CSMD3: variants seen among roughly 807,000 people sequenced by gnomAD.
CSMD3 encodes the protein CUB and sushi domain-containing protein 3.
A neutral mutation model predicts 435.2 loss-of-function variants in CSMD3; 177 were observed. That is an observed-to-expected ratio of 0.41 (90% CI 0.36 to 0.46). The LOEUF (loss-of-function observed/expected upper bound fraction) is 0.46, where lower values mean the gene tolerates loss of function less well. Among genes scored for constraint, CSMD3 ranks in the 20% least tolerant of loss-of-function variants. CSMD3 has a pLI of 0.34. For missense variants in CSMD3, 4,265 were observed against 4,504.6 expected (o/e 0.95, Z 1.52); for synonymous variants, 1,656 against 1,520.5 (o/e 1.09, Z -2.07).
chr8:113,059,275 T>C (rs2088492918), intron 5 of CSMD3, among the ~76,000 whole-genome samples: 1 of 152,144 alleles, frequency 6.6e-6, no homozygotes, highest in Non-Finnish European at 1.5e-5. Flanking sequence ...CTTATTATAC[T>C]GGTGCTTTGA....
chr8:112,737,833 G>T (rs1390359958), intron 13 of CSMD3, among the ~76,000 whole-genome samples: 2 of 151,786 alleles, frequency 1.3e-5, no homozygotes, highest in Admixed American at 1.3e-4. Flanking sequence ...ATGTAACAAT[G>T]AAGAAAAACC....
intron 1 of CSMD3, among the ~76,000 whole-genome samples, chr8:113,398,175 C>T (rs1038926097): frequency 6.6e-6 from 1 of 152,120 alleles, no homozygotes; most frequent in East Asian, 1.9e-4. Context: ...TAATTTTATA[C>T]TTTTATTCTT....
chr8:112,978,512 T>G (rs554966183), intron 6 of CSMD3, among the ~76,000 whole-genome samples: 1 of 152,058 alleles, frequency 6.6e-6, no homozygotes, highest in African/African-American at 2.4e-5. Flanking sequence ...TTTGGTAATG[T>G]CTAGACCCAG....
At chr8:112,506,650 A>T in intron 29 of CSMD3, 41 bp downstream of exon 29, 1 of 1,602,408 alleles carries the variant, frequency 6.2e-7, no homozygotes, top group African/African-American at 1.3e-5. Flanking sequence ...TGGCCTAACA[A>T]TATATTTTTT....
chr8:112,278,981 C>A (rs938392049), intron 59 of CSMD3, among the ~76,000 whole-genome samples: 9 of 151,718 alleles, frequency 5.9e-5, no homozygotes, highest in Non-Finnish European at 1.3e-4. Context: ...TGCCCTTCTT[C>A]CTGAAGCGTA....
chr8:112,609,157 G>C, intron 22 of CSMD3, among the ~76,000 whole-genome samples: 1 of 117,892 alleles, frequency 8.5e-6, no homozygotes, highest in African/African-American at 3.3e-5. Context: ...AGCCAAAGAC[G>C]CACCACTGTA....
In CSMD3 at chr8:112,281,259, G is replaced by T. The variant is rs1180949889; in HGVS notation, c.9423C>A (p.Cys3141Ter). 1 of 1,613,144 alleles carries T rather than the reference G, an allele frequency of 6.2e-7. No homozygotes were observed. The highest frequency in any genetic ancestry group is 8.5e-7 in the Non-Finnish European group (1 of 1,179,272). The change falls in exon 59 of 71, where the codon TGC becomes TGA. Residue 3141 changes from cysteine (C) to a stop codon, truncating the protein, a stop_gained. Transcript: ENST00000297405. LOFTEE classifies it high-confidence loss of function. ...GTCCAGAAAGGATGTATCCCTCCAT[G>T]CAGGAATAAATGACTGAACTAGAAA... ...TTFSSSVIYS[C>*]MEGYILSGPS...
At chr8:112,584,019 GAC>G (rs1398813346) in intron 23 of CSMD3, among the ~76,000 whole-genome samples, 1 of 151,390 alleles carries the variant, frequency 6.6e-6, no homozygotes, top group Non-Finnish European at 1.5e-5. Flanking sequence ...TTTGACAAAT[GAC>G]ACAAATGAAC....
intron 32 of CSMD3, among the ~76,000 whole-genome samples, chr8:112,450,153 T>C (rs2130587570): frequency 6.6e-6 from 1 of 152,316 alleles, no homozygotes; most frequent in Admixed American, 6.5e-5. Flanking sequence ...GATTATTCAC[T>C]TCATCTTACA....
intron 8 of CSMD3, 87 bp from the exon 9 acceptor site, chr8:112,947,964 G>C (rs908132568): frequency 3.0e-6 from 2 of 661,450 alleles, no homozygotes; most frequent in Non-Finnish European, 5.5e-6. Context: ...TACATAAAAT[G>C]TATTATTGTA....
intron 4 of CSMD3, among the ~76,000 whole-genome samples, chr8:113,151,158 G>T (rs992955004): frequency 1.3e-5 from 2 of 152,012 alleles, no homozygotes; most frequent in East Asian, 3.9e-4. Context: ...TAGGTTCAAA[G>T]TTATCACATT....
intron 10 of CSMD3, among the ~76,000 whole-genome samples, chr8:112,888,505 G>A (rs993546458): frequency 4.0e-5 from 6 of 151,558 alleles, no homozygotes; most frequent in Admixed American, 6.6e-5. Flanking sequence ...CAGGTGAGGC[G>A]TTGAAACAAG....
intron 16 of CSMD3, among the ~76,000 whole-genome samples, chr8:112,681,298 C>T (rs748133923): frequency 2.0e-5 from 3 of 151,660 alleles, no homozygotes; most frequent in Admixed American, 1.3e-4. Flanking sequence ...GTGATCCGCC[C>T]GCCTTGGCCT....
At chr8:112,482,059 T>G (rs1260862654) in intron 31 of CSMD3, among the ~76,000 whole-genome samples, 2 of 152,186 alleles carry the variant, frequency 1.3e-5, no homozygotes, top group Non-Finnish European at 2.9e-5. Flanking sequence ...ATAAACCATT[T>G]TAATGACTCA....
intron 31 of CSMD3, among the ~76,000 whole-genome samples, chr8:112,484,651 G>A (rs1202334709): frequency 6.6e-6 from 1 of 152,028 alleles, no homozygotes; most frequent in Non-Finnish European, 1.5e-5. Context: ...TGTCCATCTG[G>A]AGATATGGTT....
chr8:112,916,455 G>A (rs1227273770), intron 10 of CSMD3, among the ~76,000 whole-genome samples: 2 of 151,094 alleles, frequency 1.3e-5, no homozygotes, highest in African/African-American at 4.9e-5. Flanking sequence ...TCACACTATG[G>A]CTTTTAGAAA....
At chr8:113,094,875 C>T (rs10955645) in intron 5 of CSMD3, among the ~76,000 whole-genome samples, 103,233 of 151,750 alleles carry the variant, frequency 0.68, 36,933 homozygotes, top group East Asian at 0.95. Context: ...ATGGAGACCA[C>T]CCTGGCTAAC....
chr8:112,631,744 G>A (rs13258523), intron 22 of CSMD3, among the ~76,000 whole-genome samples: 73,612 of 151,572 alleles, frequency 0.49, 18,506 homozygotes, highest in African/African-American at 0.59. Flanking sequence ...TCATACAAGA[G>A]AGAAGTAAAT....
At chr8:112,938,074 T>C (rs918727618) in intron 9 of CSMD3, among the ~76,000 whole-genome samples, 3 of 152,110 alleles carry the variant, frequency 2.0e-5, no homozygotes, top group Non-Finnish European at 4.4e-5. Flanking sequence ...ATAACATTGC[T>C]CTAGAAATGT....
Sources: allele counts gnomAD v4.1 joint callset (sites outside exome capture counted in the v4.1 genomes callset), GRCh38; gene constraint gnomAD v4.1.1; transcripts MANE v1.5; gene names NCBI Gene and HGNC (gene_info 2026-07-23, HGNC 2026-07-21).